Variants in ADAMTSL3 observed in about 807,000 individuals in gnomAD.
ADAMTSL3 encodes the protein ADAMTS-like protein 3.
A neutral mutation model predicts 201.7 loss-of-function variants in ADAMTSL3; 128 were observed. The ratio of observed to expected loss-of-function variants is 0.63; its 90% CI spans 0.55 to 0.73. The LOEUF is 0.73. ADAMTSL3 is among the 30% of genes least tolerant of loss of function. ADAMTSL3 has a pLI of 0.00. For missense variants in ADAMTSL3, 1,990 were observed against 2,119.6 expected (o/e 0.94, Z 1.20); for synonymous variants, 738 against 748.4 (o/e 0.99, Z 0.23).
At chr15:83,855,894 C>G (rs1444629064) in intron 7 of ADAMTSL3, among the ~76,000 whole-genome samples, 1 of 151,918 alleles carries the variant, frequency 6.6e-6, no homozygotes, top group East Asian at 2.0e-4. Flanking sequence ...AACTGTGGCC[C>G]CAGCTACTCA....
chr15:83,982,351 C>A lies in ADAMTSL3; in HGVS notation c.2723C>A (p.Thr908Lys). The change falls in exon 21 of 30, where the codon ACA (threonine) becomes AAA (lysine). Residue 908 changes from threonine to lysine, a missense_variant. Coordinates refer to ENST00000286744, the MANE Select transcript of ADAMTSL3 (RefSeq NM_207517.3). ...ILSVQRVYIQ[T>K]REEKRINLTI... The stretch of plus-strand genomic sequence containing the variant: ...AGTGTCCAGAGAGTCTACATTCAGA[C>A]AAGGGAAGAGAAGCGTATTAACCTG... 1 of 1,613,686 alleles carries A rather than the reference C, an allele frequency of 6.2e-7. No homozygotes were observed. Among genetic ancestry groups the A allele is most frequent in the Non-Finnish European group, 8.5e-7 (1 of 1,179,978 alleles).
intron 19 of ADAMTSL3, among the ~76,000 whole-genome samples, chr15:83,948,268 G>A (rs2066693572): frequency 6.6e-6 from 1 of 152,074 alleles, no homozygotes; most frequent in African/African-American, 2.4e-5. Flanking sequence ...CCCAACTTGT[G>A]CTCAGTCACA....
intron 19 of ADAMTSL3, among the ~76,000 whole-genome samples, chr15:83,955,029 G>A (rs2066832601): frequency 6.6e-6 from 1 of 152,214 alleles, no homozygotes; most frequent in African/African-American, 2.4e-5. Flanking sequence ...CAAGGCCCTA[G>A]GGCTACAGTC....
chr15:83,988,768 T>C lies in ADAMTSL3; in HGVS notation c.3794T>C (p.Val1265Ala). The C allele has an allele frequency of 6.2e-7, 1 of 1,609,120 alleles. No individual in the cohort carries two copies. Among genetic ancestry groups the C allele is most frequent in the African/African-American group, 1.3e-5 (1 of 74,962 alleles). The part of the protein sequence containing the change: ...RKEQGIYECS[V>A]ANHLGSDVES... ...GAACAAGGCATATATGAATGTTCTG[T>C]AGCTAATCATCTTGGTTCAGATGTG... The change falls in exon 22 of 30, where the codon GTA (valine) becomes GCA (alanine). Residue 1265 changes from valine (V) to alanine (A), a missense_variant. Physicochemically the swap from Val to Ala is moderately conservative, Grantham distance 64. Transcript: ENST00000286744.
chr15:83,750,567 T>TC (rs934096199), intron 3 of ADAMTSL3, among the ~76,000 whole-genome samples: 6 of 151,766 alleles, frequency 4.0e-5, no homozygotes, highest in African/African-American at 1.5e-4. Context: ...GGAGACTTTT[T>TC]TTTGAGACAG....
Position 83,923,956 on chromosome 15 carries a change from C to G in ADAMTSL3, c.2040C>G (p.Val680=). ...TACATATCCAGACCCAGCAGACAGT[C>G]AATGACAGCTTGTGTGATATGGTCC... ...VCLHIQTQQT[V]NDSLCDMVHR... Residue 680 remains valine, a synonymous_variant, in exon 17 of 30, where the codon GTC becomes GTG. Transcript: ENST00000286744. The G allele has an allele frequency of 6.2e-7, 1 of 1,614,138 alleles. No individual in the cohort carries two copies. Among genetic ancestry groups the G allele is most frequent in the South Asian group, 1.1e-5 (1 of 91,082 alleles).
At chr15:83,891,500 GA>G in intron 12 of ADAMTSL3, 121 bp downstream of exon 12, 1 of 786,180 alleles carries the variant, frequency 1.3e-6, no homozygotes, top group South Asian at 1.7e-5. Flanking sequence ...AGAGCTAAGG[GA>G]AAACAGACTT....
intron 4 of ADAMTSL3, among the ~76,000 whole-genome samples, chr15:83,785,262 A>G (rs750045952): frequency 5.3e-5 from 8 of 152,230 alleles, no homozygotes; most frequent in Non-Finnish European, 1.2e-4. Flanking sequence ...TTCAAGCAGC[A>G]AAATTTTATA....
intron 3 of ADAMTSL3, among the ~76,000 whole-genome samples, chr15:83,719,320 A>T (rs901912973): frequency 7.9e-5 from 12 of 152,204 alleles, no homozygotes; most frequent in African/African-American, 2.9e-4. Flanking sequence ...ATTGCAAAAG[A>T]AAAAGAAAAC....
intron 4 of ADAMTSL3, among the ~76,000 whole-genome samples, chr15:83,790,142 AT>A (rs2141822340): frequency 6.6e-6 from 1 of 151,118 alleles, no homozygotes; most frequent in Non-Finnish European, 1.5e-5. Flanking sequence ...TCACTGGCAA[AT>A]TCTACCAAGC....
At chr15:83,925,009 T>A (rs545604167) in intron 17 of ADAMTSL3, among the ~76,000 whole-genome samples, 16 of 152,330 alleles carry the variant, frequency 1.1e-4, no homozygotes, top group Admixed American at 9.1e-4. Context: ...TAAGGATAAG[T>A]GTCTTTTATG....
At chr15:83,695,821 C>T (rs544723924) in intron 2 of ADAMTSL3, among the ~76,000 whole-genome samples, 1 of 152,190 alleles carries the variant, frequency 6.6e-6, no homozygotes, top group East Asian at 1.9e-4. Context: ...TGAAAAGTCT[C>T]ATAATGACCG....
chr15:83,757,082 G>T (rs1372191422), intron 3 of ADAMTSL3, among the ~76,000 whole-genome samples: 1 of 152,168 alleles, frequency 6.6e-6, no homozygotes, highest in Non-Finnish European at 1.5e-5. Flanking sequence ...CACGGTGCAG[G>T]CGGTCAGTGG....
At chr15:83,793,067 T>G (rs72746938) in intron 4 of ADAMTSL3, among the ~76,000 whole-genome samples, 14,076 of 152,226 alleles carry the variant, frequency 0.092, 813 homozygotes, top group East Asian at 0.24. Flanking sequence ...AGTATTTAAG[T>G]GACGTAAGTC....
At chr15:83,753,983 G>C (rs1407581901) in intron 3 of ADAMTSL3, among the ~76,000 whole-genome samples, 2 of 152,192 alleles carry the variant, frequency 1.3e-5, no homozygotes, top group Non-Finnish European at 1.5e-5. Flanking sequence ...ATCTTCATAA[G>C]TCATCATGAG....
chr15:83,699,401 C>G (rs1433596414), intron 2 of ADAMTSL3, among the ~76,000 whole-genome samples: 1 of 152,160 alleles, frequency 6.6e-6, no homozygotes, highest in Non-Finnish European at 1.5e-5. Flanking sequence ...CTCCCTTTTC[C>G]TCCCTCATCG....
intron 28 of ADAMTSL3, among the ~76,000 whole-genome samples, chr15:84,033,463 C>G (rs1051509722): frequency 6.6e-6 from 1 of 152,110 alleles, no homozygotes; most frequent in African/African-American, 2.4e-5. Context: ...GAGTTTGAGA[C>G]CAGCCTGCCA....
intron 8 of ADAMTSL3, among the ~76,000 whole-genome samples, chr15:83,870,044 T>C (rs187918088): frequency 5.0e-4 from 76 of 152,320 alleles, no homozygotes; most frequent in Admixed American, 7.8e-4. Flanking sequence ...TTAAATAAAG[T>C]ACAAATGTTT....
chr15:83,942,156 A>T (rs955432700), intron 17 of ADAMTSL3, among the ~76,000 whole-genome samples: 4 of 152,270 alleles, frequency 2.6e-5, no homozygotes, highest in African/African-American at 9.6e-5. Flanking sequence ...CAATCCTAAC[A>T]TTAAAGAATT....
Sources: gnomAD v4.1 joint callset for allele counts (sites outside exome capture counted in the v4.1 genomes callset) on GRCh38, gnomAD v4.1.1 for gene constraint, MANE v1.5 for transcripts, NCBI Gene and HGNC (gene_info 2026-07-23, HGNC 2026-07-21) for gene names.